TAF2: variants seen among roughly 807,000 people sequenced by gnomAD.
TAF2 encodes the protein transcription initiation factor TFIID subunit 2.
Under a neutral mutation model 138.5 loss-of-function variants are expected in TAF2, and 61 were observed. The ratio of observed to expected loss-of-function variants is 0.44; its 90% confidence interval spans 0.36 to 0.54. TAF2 has a LOEUF of 0.54. Among genes scored for constraint, TAF2 ranks in the 20% least tolerant of loss-of-function variants. The pLI is 0.00. For missense variants in TAF2, 1,090 were observed against 1,427.9 expected (o/e 0.76, Z 3.81); for synonymous variants, 475 against 469.9 (o/e 1.01, Z -0.14).
Position 119,781,605 on chromosome 8 carries a change from G to A in TAF2, c.2113-412C>T, listed in dbSNP as rs951911214. On this transcript the variant is annotated intron_variant, in intron 16 of 25. Transcript: ENST00000378164. Reference sequence around the variant, plus strand: ...TGATGTGGGAGAACTGCTTGACTCAGGACGGGGAGGGGGAGGTTGCAGTGA... The same window carrying A: ...TGATGTGGGAGAACTGCTTGACTCAAGACGGGGAGGGGGAGGTTGCAGTGA... 3.3e-5 allele frequency among the ~76,000 whole-genome samples: 5 copies of A among 152,230 alleles called. No homozygotes were observed. In the South Asian group the frequency reaches 6.2e-4, roughly 19 times the overall value.
At chr8:119,789,834 A>C in intron 11 of TAF2, 88 bp from the exon 12 acceptor site, 1 of 1,261,848 alleles carries the variant, frequency 7.9e-7, no homozygotes, top group Non-Finnish European at 1.1e-6. Flanking sequence ...ACTTTATTGT[A>C]GTCAATTATA....
In TAF2 at chr8:119,748,260, A is replaced by G. The variant is rs528830101; in HGVS notation, c.2879-1326T>C. Among the ~76,000 whole-genome samples the G allele has an allele frequency of 3.9e-5, 6 of 152,248 alleles. No homozygotes were observed. The South Asian group carries it at 8.3e-4, about 21-fold the overall frequency. On this transcript the variant is annotated intron_variant, in intron 22 of 25. Coordinates refer to ENST00000378164, the MANE Select transcript of TAF2 (RefSeq NM_003184.4). ...GAAACAAAAAGGAAAAAATTTGGAT[A>G]TCATAAATATTAAACTTTGTGGTTT...
At chr8:119,781,274 C>A in intron 16 of TAF2, 81 bp from the exon 17 acceptor site, 1 of 1,488,838 alleles carries the variant, frequency 6.7e-7, no homozygotes, top group South Asian at 1.2e-5. Context: ...TAAAAGTTAT[C>A]AATACTACAA....
intron 25 of TAF2, among the ~76,000 whole-genome samples, chr8:119,732,538 T>A (rs1167676789): frequency 6.6e-6 from 1 of 152,174 alleles, no homozygotes; most frequent in African/African-American, 2.4e-5. Flanking sequence ...GGGCGGTGGC[T>A]CACTCCTGTA....
At position 119,778,138 on chromosome 8, in the gene TAF2, G is replaced by GAA. The variant is rs35033415; in HGVS notation, c.2254-11_2254-10dup. ...ATTGCAACTGGCATAGTCTACAAAA[G>GAA]AAAAAAAAGAACTTTTAAAAGCACA... On this transcript the variant is annotated splice_polypyrimidine_tract_variant and intron_variant, in intron 17 of 25. Coordinates refer to ENST00000378164, the MANE Select transcript of TAF2 (RefSeq NM_003184.4). 1.1e-4 allele frequency: 160 copies of GAA among 1,519,422 alleles called. No individual in the cohort carries two copies. Among genetic ancestry groups the GAA allele is most frequent in the Middle Eastern group, 1.7e-4 (1 of 5,798 alleles). The allele number at this position is 1,519,422 out of a possible 1,614,324, so 94.1% of individuals were successfully genotyped here.
chr8:119,783,237 C>T, intron 16 of TAF2, 144 bp downstream of exon 16: 2 of 826,152 alleles, frequency 2.4e-6, no homozygotes, highest in South Asian at 2.1e-5. Flanking sequence ...CAAAACAGTC[C>T]TATTAATTTA....
intron 5 of TAF2, among the ~76,000 whole-genome samples, chr8:119,803,041 G>A (rs1418525208): frequency 1.3e-5 from 2 of 152,040 alleles, no homozygotes; most frequent in Non-Finnish European, 2.9e-5. Flanking sequence ...AACCCAGGAG[G>A]TGGGGATTGC....
At chr8:119,762,645 T>A (rs776884704) in intron 18 of TAF2, 37 bp from the exon 19 acceptor site, 9 of 1,547,392 alleles carry the variant, frequency 5.8e-6, no homozygotes, top group Non-Finnish European at 8.0e-6. Flanking sequence ...ATAACAAAAT[T>A]AACTCTTCTG....
intron 22 of TAF2, 66 bp downstream of exon 22, chr8:119,755,940 A>G: frequency 7.6e-7 from 1 of 1,313,042 alleles, no homozygotes; most frequent in Admixed American, 1.7e-5. Flanking sequence ...TATTGAATTG[A>G]AAATCTGTTG....
At position 119,781,092 on chromosome 8, in the gene TAF2, T is replaced by G. The variant is rs28619538; in HGVS notation, c.2214A>C (p.Thr738=). Residue 738 remains threonine, a synonymous_variant, in exon 17 of 26, where the codon ACA becomes ACC. Transcript: ENST00000378164. ...CCKSCPNIVK[T]NNFMSFQSYF... is the part of the protein sequence containing the mutation. ...AGCTTTGAAAGCTCATAAAGTTGTT[T>G]GTTTTCACAATGTTTGGACAACTTT... The G allele has an allele frequency of 2.5e-6, 4 of 1,613,912 alleles. No individual in the cohort carries two copies. The East Asian group carries it at 8.9e-5, about 36-fold the overall frequency.
intron 2 of TAF2, among the ~76,000 whole-genome samples, chr8:119,820,151 T>C (rs1040312286): frequency 2.6e-5 from 4 of 152,156 alleles, no homozygotes; most frequent in Admixed American, 6.5e-5. Flanking sequence ...TGAAAAACAG[T>C]TAAATACAGA....
At chr8:119,744,098 A>G (rs1819783702) in intron 24 of TAF2, among the ~76,000 whole-genome samples, 190 bp downstream of exon 24, 1 of 152,220 alleles carries the variant, frequency 6.6e-6, no homozygotes, top group Admixed American at 6.5e-5. Flanking sequence ...CAAAATAAAA[A>G]AGCCAAAAGA....
intron 9 of TAF2, among the ~76,000 whole-genome samples, chr8:119,793,813 G>T (rs1823616076): frequency 6.9e-6 from 1 of 144,186 alleles, no homozygotes; most frequent in Non-Finnish European, 1.5e-5. Flanking sequence ...AATAAATTAT[G>T]TCAGGAATCT....
At position 119,754,199 on chromosome 8, in the gene TAF2, T is replaced by G. The variant is rs188775084; in HGVS notation, c.2878+1807A>C. 7.2e-5 allele frequency among the ~76,000 whole-genome samples: 11 copies of G among 152,316 alleles called. No individual in the cohort carries two copies. The East Asian group carries it at 2.1e-3, about 29-fold the overall frequency. On this transcript the variant is annotated intron_variant, in intron 22 of 25. Coordinates refer to ENST00000378164, the MANE Select transcript of TAF2 (RefSeq NM_003184.4). Reference sequence around the variant, plus strand: ...CCTTTACTCGGTGGTATTGCACTGTTATTATGAAACAGAAAAACAGAAGTT... The same window carrying G: ...CCTTTACTCGGTGGTATTGCACTGTGATTATGAAACAGAAAAACAGAAGTT...
chr8:119,789,809 T>A, intron 11 of TAF2, 63 bp from the exon 12 acceptor site: 1 of 1,462,488 alleles, frequency 6.8e-7, no homozygotes, highest in Admixed American at 1.8e-5. Flanking sequence ...TATAGAATAC[T>A]CACTTTGCAT....
Position 119,832,510 on chromosome 8 carries a change from C to T in TAF2, c.55G>A (p.Gly19Ser). ...TTATATGGCCTTGGGCTTTCAAAGC[C>T]CTTGTCTCCTTTCTTCCTGTTCATT... ...ARMNRKKGDK[G>S]FESPRPYKLT... The change falls in exon 1 of 26, where the codon GGC (glycine) becomes AGC (serine). Residue 19 changes from glycine (G) to serine (S), a missense_variant. By Grantham distance (56) the Gly-to-Ser change is moderately conservative. Transcript: ENST00000378164. 6.2e-7 allele frequency: 1 copy of T among 1,613,916 alleles called. No individual in the cohort carries two copies. Among genetic ancestry groups the T allele is most frequent in the South Asian group, 1.1e-5 (1 of 91,072 alleles).
Position 119,832,809 on chromosome 8 carries a change from C to CT in TAF2, c.-246dup, listed in dbSNP as rs1826554014. ...TGCTCCTCTCCGCAAGGGCTCGAAGCTACCATCCGCCGACATCTTGTCTGT... is the reference window on the plus strand; with the variant it reads ...TGCTCCTCTCCGCAAGGGCTCGAAGCTTACCATCCGCCGACATCTTGTCTGT... On this transcript the variant is annotated 5_prime_UTR_variant, in exon 1 of 26. The change abolishes the stop of an existing upstream ORF in the 5' untranslated region. Coordinates refer to ENST00000378164, the MANE Select transcript of TAF2 (RefSeq NM_003184.4). 2 of 463,566 alleles carry CT rather than the reference C, an allele frequency of 4.3e-6. No individual in the cohort carries two copies. Among genetic ancestry groups the CT allele is most frequent in the Admixed American group, 3.8e-5 (1 of 26,472 alleles). The allele number at this position is 463,566 out of a possible 1,614,324, so 28.7% of individuals were successfully genotyped here. A position where few individuals can be genotyped will look rare whatever the true frequency, so the allele number is the denominator to read the frequency against.
At chr8:119,818,732 C>CCACACACACACACACA in intron 3 of TAF2, among the ~76,000 whole-genome samples, 2 of 110,972 alleles carry the variant, frequency 1.8e-5, no homozygotes, top group South Asian at 6.1e-4. Flanking sequence ...AAAATGAAGT[C>CCACACACACACACACA]CACACACACA....
intron 25 of TAF2, among the ~76,000 whole-genome samples, chr8:119,737,387 A>G (rs1445765867): frequency 6.6e-6 from 1 of 152,112 alleles, no homozygotes; most frequent in Non-Finnish European, 1.5e-5. Flanking sequence ...GAAATGGGTA[A>G]GATTAAATAA....
Sources: gnomAD v4.1 joint callset for allele counts (sites outside exome capture counted in the v4.1 genomes callset) on GRCh38, gnomAD v4.1.1 for gene constraint, MANE v1.5 for transcripts, NCBI Gene and HGNC (gene_info 2026-07-23, HGNC 2026-07-21) for gene names.